The following CLIC5 variants were observed in gnomAD, a reference collection of about 807,000 sequenced individuals.
CLIC5 encodes chloride intracellular channel protein 5.
CLIC5 carries 20 observed loss-of-function variants against 24.7 expected under a neutral mutation model. The observed-to-expected ratio is 0.81, with a 90% confidence interval of 0.57 to 1.18. CLIC5 has a LOEUF of 1.18. CLIC5 is among the 50% of genes most tolerant of loss of function. The probability of loss-of-function intolerance (pLI) is 0.00; values close to 1 mark genes in which losing one functional copy is unlikely to be tolerated. For synonymous variants in CLIC5, 159 were observed against 135.6 expected (o/e 1.17, Z -1.20); for missense variants, 341 against 326.1 (o/e 1.05, Z -0.35).
intron 1 of CLIC5, among the ~76,000 whole-genome samples, chr6:45,998,965 T>C (rs998957782): frequency 6.6e-6 from 1 of 152,206 alleles, no homozygotes; most frequent in African/African-American, 2.4e-5. Context: ...GTATAGCCTT[T>C]AAGGTCTAAG....
intron 1 of CLIC5, among the ~76,000 whole-genome samples, chr6:45,974,503 A>G (rs1765314843): frequency 2.4e-5 from 2 of 83,650 alleles, no homozygotes; most frequent in Admixed American, 1.3e-4. Context: ...GTGTGTATAT[A>G]TATATATATA....
chr6:46,050,909 G>T (rs1768085303), intron 1 of CLIC5, among the ~76,000 whole-genome samples: 1 of 150,890 alleles, frequency 6.6e-6, no homozygotes, highest in East Asian at 1.9e-4. Context: ...TGAGGTGAAA[G>T]GACAGAATTT....
the CLIC5 span, among the ~76,000 whole-genome samples, chr6:46,095,150 C>A: frequency 1.3e-5 from 2 of 151,558 alleles, no homozygotes; most frequent in Admixed American, 6.6e-5. Context: ...GGCAGTGGGG[C>A]CCTGGGCCTG....
intron 1 of CLIC5, among the ~76,000 whole-genome samples, chr6:45,983,817 C>T (rs543658139): frequency 2.0e-5 from 3 of 152,280 alleles, no homozygotes; most frequent in Non-Finnish European, 4.4e-5. Context: ...TACCCTTCTC[C>T]CATTTAAATT....
chr6:45,902,875 C>T lies in CLIC5; in HGVS notation c.*213G>A, dbSNP rs1396668636. ...TGGCCGGCCGAAAGGTGGACTGTGTCTATCATTTCTGCTAGATTCCTATGT... is the reference window on the plus strand; with the variant it reads ...TGGCCGGCCGAAAGGTGGACTGTGTTTATCATTTCTGCTAGATTCCTATGT... On this transcript the variant is annotated 3_prime_UTR_variant, in exon 6 of 6. Coordinates refer to ENST00000339561, the MANE Select transcript of CLIC5 (RefSeq NM_016929.5). 3 of 578,662 alleles carry T rather than the reference C, an allele frequency of 5.2e-6. No individual in the cohort carries two copies. The highest frequency in any genetic ancestry group is 1.9e-5 in the African/African-American group (1 of 52,258). 35.8% of individuals were successfully genotyped at this position (578,662 alleles called of 1,614,324 possible). A position where few individuals can be genotyped will look rare whatever the true frequency, so the allele number is the denominator to read the frequency against.
chr6:46,057,795 G>C (rs377632279), intron 1 of CLIC5, among the ~76,000 whole-genome samples: 2 of 152,176 alleles, frequency 1.3e-5, no homozygotes, highest in East Asian at 1.9e-4. Flanking sequence ...GTGGTGTTTA[G>C]AGCAGTTTGT....
chr6:46,023,778 T>G (rs902652846), intron 1 of CLIC5, among the ~76,000 whole-genome samples: 1 of 152,186 alleles, frequency 6.6e-6, no homozygotes, highest in South Asian at 2.1e-4. Flanking sequence ...CCTCACTTAA[T>G]GGTCAAGCTC....
In CLIC5 at chr6:45,963,177, CT is replaced by C. The variant is rs377159907; in HGVS notation, c.64-7934del. On this transcript the variant is annotated intron_variant, in intron 1 of 5. Transcript: ENST00000339561. The stretch of plus-strand genomic sequence containing the variant: ...CAATCTGTTTCCGGGTTAATCAATT[CT>C]TTTTTTTTTCCTTTGTGTCTTCATC... Among the ~76,000 whole-genome samples the C allele has an allele frequency of 2.3e-3, 346 of 150,490 alleles. 3 individuals carry two copies. The highest frequency in any genetic ancestry group is 0.01 in the Middle Eastern group (3 of 286).
intron 1 of CLIC5, among the ~76,000 whole-genome samples, chr6:46,006,532 T>C (rs1473599878): frequency 1.3e-5 from 2 of 152,074 alleles, no homozygotes; most frequent in Non-Finnish European, 2.9e-5. Flanking sequence ...CTGGGACACA[T>C]CCGGGCTTGT....
intron 4 of CLIC5, among the ~76,000 whole-genome samples, chr6:45,922,347 AT>A (rs944000275): frequency 6.6e-6 from 1 of 152,096 alleles, no homozygotes; most frequent in African/African-American, 2.4e-5. Flanking sequence ...TTTCTGATGT[AT>A]TTCCAAGGAA....
the CLIC5 span, among the ~76,000 whole-genome samples, chr6:46,097,764 C>G: frequency 6.6e-6 from 1 of 152,180 alleles, no homozygotes; most frequent in Admixed American, 6.5e-5. Flanking sequence ...CTAGACATAT[C>G]TACAATTCTC....
chr6:46,129,265 T>C, the CLIC5 span, among the ~76,000 whole-genome samples: 2 of 152,250 alleles, frequency 1.3e-5, no homozygotes, highest in African/African-American at 4.8e-5. Context: ...ATCCTCTCAC[T>C]GCCAAGTGTG....
chr6:45,909,449 GATCTCTTGTA>G (rs1762753659), intron 5 of CLIC5, among the ~76,000 whole-genome samples: 1 of 152,116 alleles, frequency 6.6e-6, no homozygotes, highest in South Asian at 2.1e-4. Flanking sequence ...GTCCCTTAAG[GATCTCTTGTA>G]AGTATGGTCT....
the CLIC5 span, among the ~76,000 whole-genome samples, chr6:46,127,647 T>C: frequency 1.3e-5 from 2 of 152,224 alleles, no homozygotes; most frequent in African/African-American, 2.4e-5. Flanking sequence ...GTGAACTTTG[T>C]GGCCGGCTTC....
intron 4 of CLIC5, among the ~76,000 whole-genome samples, chr6:45,928,505 C>T (rs1377103975): frequency 6.6e-6 from 1 of 152,184 alleles, no homozygotes; most frequent in African/African-American, 2.4e-5. Flanking sequence ...ATTGTATAAA[C>T]CAACTGTGAT....
chr6:46,076,690 C>G (rs1259879389), intron 1 of CLIC5, among the ~76,000 whole-genome samples: 2 of 152,200 alleles, frequency 1.3e-5, no homozygotes, highest in African/African-American at 4.8e-5. Flanking sequence ...TATTTGTATT[C>G]TTTTAATCCA....
chr6:45,936,468 G>A (rs371048455), intron 4 of CLIC5, among the ~76,000 whole-genome samples: 117 of 152,218 alleles, frequency 7.7e-4, no homozygotes, highest in African/African-American at 2.8e-3. Context: ...GCCTCCCAAA[G>A]TGCTGGGATT....
chr6:46,015,051 A>G (rs747300564), intron 1 of CLIC5, among the ~76,000 whole-genome samples: 4 of 152,232 alleles, frequency 2.6e-5, no homozygotes, highest in Non-Finnish European at 5.9e-5. Flanking sequence ...TCGCTTTGCC[A>G]AAGATCATTG....
chr6:45,917,108 G>A (rs1425047312), intron 4 of CLIC5, among the ~76,000 whole-genome samples: 4 of 152,220 alleles, frequency 2.6e-5, no homozygotes, highest in Admixed American at 2.0e-4. Flanking sequence ...ATTCTGTATT[G>A]GTACTTATTG....
Sources: allele counts gnomAD v4.1 joint callset (sites outside exome capture counted in the v4.1 genomes callset), GRCh38; gene constraint gnomAD v4.1.1; transcripts MANE v1.5; gene names NCBI Gene and HGNC (gene_info 2026-07-23, HGNC 2026-07-21).